The following IQGAP2 variants were observed in gnomAD, a reference collection of about 807,000 sequenced individuals.
IQGAP2 encodes IQ motif containing GTPase activating protein 2, also known as ras GTPase-activating-like protein IQGAP2.
Under a neutral mutation model 201.3 loss-of-function variants are expected in IQGAP2, and 173 were observed. That is an observed-to-expected ratio of 0.86 (90% CI 0.76 to 0.98). IQGAP2 has a LOEUF of 0.98. IQGAP2 is among the 50% of genes least tolerant of loss of function. IQGAP2 has a pLI of 0.00. For missense variants in IQGAP2, 1,687 were observed against 1,864.8 expected (o/e 0.90, Z 1.76); for synonymous variants, 675 against 673.9 (o/e 1.00, Z -0.03).
chr5:76,495,839 G>A (rs1236055434), intron 2 of IQGAP2, among the ~76,000 whole-genome samples: 1 of 152,120 alleles, frequency 6.6e-6, no homozygotes, highest in Non-Finnish European at 1.5e-5. Context: ...ATCACCAAGG[G>A]GATGGCACAA....
At chr5:76,633,722 A>G (rs189644392) in intron 15 of IQGAP2, among the ~76,000 whole-genome samples, 6 of 152,300 alleles carry the variant, frequency 3.9e-5, no homozygotes, top group Non-Finnish European at 7.4e-5. Flanking sequence ...GCTCCAGGCA[A>G]CTACTAATCT....
At chr5:76,510,025 A>G (rs1340050249) in intron 2 of IQGAP2, among the ~76,000 whole-genome samples, 1 of 135,554 alleles carries the variant, frequency 7.4e-6, no homozygotes, top group Non-Finnish European at 1.5e-5. Flanking sequence ...TTTTTGAGAT[A>G]GTCTCACTCT....
chr5:76,493,500 C>T (rs1382999506), intron 2 of IQGAP2, among the ~76,000 whole-genome samples: 1 of 152,182 alleles, frequency 6.6e-6, no homozygotes, highest in Non-Finnish European at 1.5e-5. Context: ...GCCCTTCTGA[C>T]CCCTCTGACC....
At chr5:76,525,428 T>G (rs1027595308) in intron 2 of IQGAP2, among the ~76,000 whole-genome samples, 4 of 152,170 alleles carry the variant, frequency 2.6e-5, no homozygotes, top group African/African-American at 9.7e-5. Context: ...TAGGAGACAG[T>G]GCATTAGTTG....
intron 22 of IQGAP2, among the ~76,000 whole-genome samples, chr5:76,667,718 C>T (rs1003331505): frequency 6.6e-6 from 1 of 152,138 alleles, no homozygotes; most frequent in Admixed American, 6.5e-5. Context: ...CCTCACTCCC[C>T]CTTCTCACTC....
At chr5:76,458,675 C>G (rs977344232) in intron 1 of IQGAP2, among the ~76,000 whole-genome samples, 36 of 152,266 alleles carry the variant, frequency 2.4e-4, no homozygotes, top group African/African-American at 8.2e-4. Context: ...ATTTTTTATA[C>G]TTATTACCCT....
intron 3 of IQGAP2, 100 bp downstream of exon 3, chr5:76,562,652 TGGGGGGCTGGGG>T (rs1418516871): frequency 1.3e-5 from 14 of 1,062,062 alleles, no homozygotes; most frequent in Admixed American, 2.2e-5. Flanking sequence ...TGTAAGGATT[TGGGGGGCTGGGG>T]GATGTCTTTG....
chr5:76,688,716 G>A (rs539260355), intron 30 of IQGAP2, among the ~76,000 whole-genome samples: 22 of 152,096 alleles, frequency 1.4e-4, no homozygotes, highest in Non-Finnish European at 2.8e-4. Context: ...TTTGAAAAAG[G>A]GACCCACAAT....
At chr5:76,458,679 T>C (rs1754239039) in intron 1 of IQGAP2, among the ~76,000 whole-genome samples, 1 of 152,188 alleles carries the variant, frequency 6.6e-6, no homozygotes, top group Non-Finnish European at 1.5e-5. Context: ...TTTATACTTA[T>C]TACCCTGTGT....
chr5:76,519,628 C>T (rs1004531841), intron 2 of IQGAP2, among the ~76,000 whole-genome samples: 5 of 152,168 alleles, frequency 3.3e-5, no homozygotes, highest in African/African-American at 9.6e-5. Flanking sequence ...CCAGGATGGC[C>T]GTGCCATTTT....
At chr5:76,608,500 A>G (rs1488481446) in intron 12 of IQGAP2, among the ~76,000 whole-genome samples, 1 of 152,248 alleles carries the variant, frequency 6.6e-6, no homozygotes, top group Admixed American at 6.5e-5. Flanking sequence ...GGAATTGCTC[A>G]GTATAGTAAT....
In IQGAP2 at chr5:76,483,669, C is replaced by T. The variant is rs899922801; in HGVS notation, c.146+22000C>T. On this transcript the variant is annotated intron_variant, in intron 2 of 35. Transcript: ENST00000274364. ...GGAGCACTGCAGTAGGACGGCACCT[C>T]TCCTGAAATAAAGCTAATTTAGGCT... 6.6e-5 allele frequency among the ~76,000 whole-genome samples: 10 copies of T among 152,352 alleles called. 1 individual carries two copies. The highest frequency in any genetic ancestry group is 5.2e-4 in the Admixed American group (8 of 15,306).
chr5:76,487,921 G>A (rs1756267053), intron 2 of IQGAP2, among the ~76,000 whole-genome samples: 1 of 152,200 alleles, frequency 6.6e-6, no homozygotes, highest in African/African-American at 2.4e-5. Context: ...AGCCATGACT[G>A]GGGACAAGGA....
rs201705684 is a variant in IQGAP2, at chr5:76,438,453, C to CT, written c.47-23110dup. Among the ~76,000 whole-genome samples, 297 of 137,002 alleles carry CT rather than the reference C, an allele frequency of 2.2e-3. 13 individuals are homozygous for CT. The East Asian group carries it at 0.054, about 25-fold the overall frequency. The allele number at this position is 137,002 out of a possible 152,430, so 89.9% of individuals were successfully genotyped here. On this transcript the variant is annotated intron_variant, in intron 1 of 35. Transcript: ENST00000274364. ...TTATGGGCTTCATTTTCATTTTTTT[C>CT]TTTTTTTGAGATGGAGTGTCGCTGT... is the stretch of plus-strand genomic sequence containing the variant.
rs1554054705 is a variant in IQGAP2 at position 76,426,905 on chromosome 5, G to GGGGTGTGTGTGTGT, written c.46+23315_46+23316insGGTGTGTGTGTGTG. Among the ~76,000 whole-genome samples the GGGGTGTGTGTGTGT allele has an allele frequency of 1.4e-4, 21 of 146,588 alleles. No individual in the cohort carries two copies. The East Asian group carries it at 2.0e-3, about 14-fold the overall frequency. On this transcript the variant is annotated intron_variant, in intron 1 of 35. Coordinates refer to ENST00000274364, the MANE Select transcript of IQGAP2 (RefSeq NM_006633.5). ...AGCCAAGCGGGGAAAAACCATGGAGGGTGTGTGTGTGTGTGTGTGTGTGTG... is the reference window on the plus strand; with the variant it reads ...AGCCAAGCGGGGAAAAACCATGGAGGGGGTGTGTGTGTGTGTGTGTGTGTGTGTGTGTGTGTGTG...
intron 1 of IQGAP2, among the ~76,000 whole-genome samples, chr5:76,425,234 G>T (rs1001912637): frequency 6.6e-6 from 1 of 152,202 alleles, no homozygotes; most frequent in Non-Finnish European, 1.5e-5. Context: ...CAGGACTGAG[G>T]ATCGGTTCAA....
chr5:76,413,709 T>G (rs141988108), intron 1 of IQGAP2, among the ~76,000 whole-genome samples: 1 of 152,364 alleles, frequency 6.6e-6, no homozygotes, highest in East Asian at 1.9e-4. Flanking sequence ...AAGCATTCTC[T>G]TATTTCATTT....
intron 13 of IQGAP2, among the ~76,000 whole-genome samples, chr5:76,624,733 C>T (rs1267116774): frequency 2.0e-5 from 3 of 152,006 alleles, no homozygotes; most frequent in Admixed American, 6.6e-5. Context: ...GAGGTGTGGC[C>T]GTCCCATAAA....
chr5:76,435,932 T>TTTTG (rs145858168), intron 1 of IQGAP2, among the ~76,000 whole-genome samples: 1 of 151,806 alleles, frequency 6.6e-6, no homozygotes, highest in Non-Finnish European at 1.5e-5. Flanking sequence ...GGGTTTGGGT[T>TTTTG]TTTGTTTGTT....
Sources: gnomAD v4.1 joint callset for allele counts (sites outside exome capture counted in the v4.1 genomes callset) on GRCh38, gnomAD v4.1.1 for gene constraint, MANE v1.5 for transcripts, NCBI Gene and HGNC (gene_info 2026-07-23, HGNC 2026-07-21) for gene names.